Variants in TNFAIP3 observed in about 807,000 individuals in gnomAD.
The protein encoded by TNFAIP3 is TNF alpha induced protein 3.
In TNFAIP3, 9 loss-of-function variants were observed where a neutral mutation model predicts 72.4. The ratio of observed to expected loss-of-function variants is 0.12; its 90% confidence interval spans 0.07 to 0.22. The LOEUF (loss-of-function observed/expected upper bound fraction) is 0.22. Ranked by LOEUF, TNFAIP3 falls within the 10% of genes least tolerant of loss-of-function variation. The pLI, the probability that TNFAIP3 is intolerant of heterozygous loss-of-function variation, is 1.00. For missense variants in TNFAIP3, 833 were observed against 1,018.7 expected (o/e 0.82, Z 2.48); for synonymous variants, 339 against 372.6 (o/e 0.91, Z 1.04).
At chr6:137,876,245 A>C (rs1466345581) in intron 5 of TNFAIP3, 79 bp downstream of exon 5, 12 of 1,197,846 alleles carry the variant, frequency 1.0e-5, no homozygotes, top group Non-Finnish European at 1.3e-5. Flanking sequence ...TTATTAAAAC[A>C]GTCTTATTTA....
rs71547071 is a variant in TNFAIP3 at position 137,869,376 on chromosome 6, TGGACGGAC to T, written c.-15-1821_-15-1814del. ...ATGGATGGATGGATGGATGGATGGATGGACGGACGGACGGACGGACGGATAGATGATAT... is the reference window on the plus strand; with the variant it reads ...ATGGATGGATGGATGGATGGATGGATGGACGGACGGACGGATAGATGATAT... On this transcript the variant is annotated intron_variant, in intron 1 of 8. Transcript: ENST00000612899. 5.5e-3 allele frequency among the ~76,000 whole-genome samples: 786 copies of T among 142,060 alleles called. 10 individuals are homozygous for T. The highest frequency in any genetic ancestry group is 0.017 in the African/African-American group (646 of 38,680). The allele number at this position is 142,060 out of a possible 152,430, so 93.2% of individuals were successfully genotyped here. A position where few individuals can be genotyped will look rare whatever the true frequency, so the allele number is the denominator to read the frequency against.
At chr6:137,878,261 C>G (rs1327670255) in intron 6 of TNFAIP3, among the ~76,000 whole-genome samples, 171 bp from the exon 7 acceptor site, 1 of 152,208 alleles carries the variant, frequency 6.6e-6, no homozygotes, top group Non-Finnish European at 1.5e-5. Flanking sequence ...TGTGTCAGAT[C>G]ATGTTGCGTG....
chr6:137,871,427 C>G lies in TNFAIP3; in HGVS notation c.200C>G (p.Ala67Gly), dbSNP rs764962980. ...CPQFREIIHK[A>G]LIDRNIQATL... is the part of the protein sequence containing the mutation. ...CAGTTTCGGGAGATCATCCACAAAG[C>G]CCTCATCGACAGAAACATCCAGGCC... The change falls in exon 2 of 9, where the codon GCC becomes GGC. Residue 67 changes from alanine (A) to glycine (G), a missense_variant. Coordinates refer to ENST00000612899, the MANE Select transcript of TNFAIP3 (RefSeq NM_001270508.2). The surrounding 1 kb of genome is among the most constrained non-coding windows in gnomAD (Gnocchi z 4.2). 1.9e-6 allele frequency: 3 copies of G among 1,614,154 alleles called. No individual in the cohort carries two copies. Among genetic ancestry groups the G allele is most frequent in the South Asian group, 2.2e-5 (2 of 91,068 alleles).
At chr6:137,873,521 T>C (rs1206236375) in intron 2 of TNFAIP3, among the ~76,000 whole-genome samples, 1 of 152,196 alleles carries the variant, frequency 6.6e-6, no homozygotes. Flanking sequence ...AAAAGTACAA[T>C]AGCTGTTGCT....
rs200371583 is a variant in TNFAIP3 at position 137,877,169 on chromosome 6, A to T, written c.899A>T (p.Glu300Val). ...FLTDPENEMKEKLLKEYLMVI... is the reference protein window; with the variant it reads ...FLTDPENEMKVKLLKEYLMVI... Reference sequence around the variant, plus strand: ...ACAGATCCTGAAAATGAGATGAAGGAGAAGCTCTTAAAAGAGTACTTAATG... The same window carrying T: ...ACAGATCCTGAAAATGAGATGAAGGTGAAGCTCTTAAAAGAGTACTTAATG... Residue 300 changes from glutamate to valine, a missense_variant, in exon 6 of 9, where the codon GAG (glutamate) becomes GTG (valine). Glu to Val is a moderately radical substitution (Grantham distance 121). Transcript: ENST00000612899. The T allele has an allele frequency of 2.2e-5, 35 of 1,614,008 alleles. No individual in the cohort carries two copies. Among genetic ancestry groups the T allele is most frequent in the Non-Finnish European group, 2.5e-6 (3 of 1,180,006 alleles).
chr6:137,872,549 C>CT (rs1028039397), intron 2 of TNFAIP3, among the ~76,000 whole-genome samples: 2 of 152,046 alleles, frequency 1.3e-5, no homozygotes, highest in East Asian at 1.9e-4. Flanking sequence ...TTAACTTTGG[C>CT]TTTTTTTGAC....
rs552747264 is a variant in TNFAIP3, at chr6:137,876,577, C to T, written c.805+411C>T. Reference sequence around the variant, plus strand: ...CTCTCGCTTTGGCCTCTCAAATTTACAGGCACGAGCCACCATGCCTGGCCT... The same window carrying T: ...CTCTCGCTTTGGCCTCTCAAATTTATAGGCACGAGCCACCATGCCTGGCCT... On this transcript the variant is annotated intron_variant, in intron 5 of 8. Transcript: ENST00000612899. Among the ~76,000 whole-genome samples, 4 of 152,364 alleles carry T rather than the reference C, an allele frequency of 2.6e-5. No homozygotes were observed. The East Asian group carries it at 7.7e-4, about 29-fold the overall frequency.
At position 137,874,429 on chromosome 6, in the gene TNFAIP3, G is replaced by A. The variant is rs1198686204; in HGVS notation, c.296-416G>A. Among the ~76,000 whole-genome samples, 4 of 152,194 alleles carry A rather than the reference G, an allele frequency of 2.6e-5. No individual in the cohort carries two copies. In the East Asian group the frequency reaches 7.7e-4, roughly 29 times the overall value. On this transcript the variant is annotated intron_variant, in intron 2 of 8. Coordinates refer to ENST00000612899, the MANE Select transcript of TNFAIP3 (RefSeq NM_001270508.2). ...CTGTGTGCTCCTCCTTAGAACTAGA[G>A]AGCAGCAATGCCAGTGCCTTCACCA...
chr6:137,875,581 T>TATATATA (rs1776219414), intron 3 of TNFAIP3, 107 bp from the exon 4 acceptor site: 1 of 1,327,820 alleles, frequency 7.5e-7, no homozygotes, highest in Admixed American at 2.5e-5. Flanking sequence ...GGGGAAAAAA[T>TATATATA]AAGCTGAGTT....
Position 137,876,699 on chromosome 6 carries a change from G to A in TNFAIP3, c.806-377G>A, listed in dbSNP as rs534203427. ...TATCCTTTTAGCACTCTTGTGAGAT[G>A]TAGGCCTTGGTAGCCTTATTTTACA... On this transcript the variant is annotated intron_variant, in intron 5 of 8. Transcript: ENST00000612899. 5.3e-5 allele frequency among the ~76,000 whole-genome samples: 8 copies of A among 152,322 alleles called. No individual in the cohort carries two copies. The East Asian group carries it at 1.2e-3, about 22-fold the overall frequency.
chr6:137,879,071 GACT>G lies in TNFAIP3; in HGVS notation c.1629_1631del (p.Thr544del). On this transcript the variant is annotated inframe_deletion, in exon 7 of 9. Transcript: ENST00000612899. ...GGATCTGCAGTACTTGCTTCAAAAG[GACT>G]ACAGCAGAGGCCTCCTCCAGCCTCA... 6.2e-7 allele frequency: 1 copy of G among 1,614,186 alleles called. No homozygotes were observed. Among genetic ancestry groups the G allele is most frequent in the East Asian group, 2.2e-5 (1 of 44,882 alleles).
intron 5 of TNFAIP3, among the ~76,000 whole-genome samples, 158 bp from the exon 6 acceptor site, chr6:137,876,918 G>A (rs188980714): frequency 8.5e-5 from 13 of 152,296 alleles, no homozygotes; most frequent in Admixed American, 7.8e-4. Context: ...ATATTAGATT[G>A]TAGCACATTT....
At chr6:137,873,501 C>T (rs889689217) in intron 2 of TNFAIP3, among the ~76,000 whole-genome samples, 2 of 152,236 alleles carry the variant, frequency 1.3e-5, no homozygotes, top group Admixed American at 6.5e-5. Context: ...AATGTCTACA[C>T]ACCAGAACAA....
intron 2 of TNFAIP3, among the ~76,000 whole-genome samples, chr6:137,873,133 C>A (rs1298898857): frequency 6.6e-6 from 1 of 152,036 alleles, no homozygotes; most frequent in Non-Finnish European, 1.5e-5. Flanking sequence ...TCTTCACTTT[C>A]AAGAAAACTC....
intron 6 of TNFAIP3, among the ~76,000 whole-genome samples, chr6:137,877,715 T>A (rs138693039): frequency 4.8e-4 from 73 of 152,342 alleles, no homozygotes; most frequent in African/African-American, 1.6e-3. Flanking sequence ...CTCATGATTC[T>A]GCCACATGGA....
rs1776188950 is a variant in TNFAIP3 at position 137,874,941 on chromosome 6, A to G, written c.392A>G (p.Lys131Arg). ...AGGAAGGCGCTGTTCAGCACGCTCA[A>G]GGAAACAGACACACGCAACTTTAAA... is the stretch of plus-strand genomic sequence containing the variant. ...VLRKALFSTL[K>R]ETDTRNFKFR... The change falls in exon 3 of 9, where the codon AAG (lysine) becomes AGG (arginine). Residue 131 changes from lysine to arginine, a missense_variant. Transcript: ENST00000612899. The G allele has an allele frequency of 1.2e-6, 2 of 1,614,250 alleles. No homozygotes were observed. Among genetic ancestry groups the G allele is most frequent in the Non-Finnish European group, 1.7e-6 (2 of 1,180,056 alleles).
chr6:137,877,200 A>G lies in TNFAIP3; in HGVS notation c.930A>G (p.Ile310Met). The G allele has an allele frequency of 6.2e-7, 1 of 1,613,916 alleles. No homozygotes were observed. Among genetic ancestry groups the G allele is most frequent in the Non-Finnish European group, 8.5e-7 (1 of 1,179,916 alleles). The stretch of plus-strand genomic sequence containing the variant: ...TCTTAAAAGAGTACTTAATGGTGAT[A>G]GAAATCCCCGTCCAAGGCTGGGACC... Reference protein sequence around the residue: ...EKLLKEYLMVIEIPVQGWDHG... With the variant: ...EKLLKEYLMVMEIPVQGWDHG... Residue 310 changes from isoleucine to methionine, a missense_variant, in exon 6 of 9, where the codon ATA becomes ATG. Physicochemically the swap from Ile to Met is conservative, Grantham distance 10. Coordinates refer to ENST00000612899, the MANE Select transcript of TNFAIP3 (RefSeq NM_001270508.2).
At chr6:137,874,812 C>T (rs1210114504) in intron 2 of TNFAIP3, 33 bp from the exon 3 acceptor site, 5 of 1,554,700 alleles carry the variant, frequency 3.2e-6, no homozygotes, top group East Asian at 2.4e-5. Context: ...GATAACTTGA[C>T]TTTCCTTCTC....
In TNFAIP3 at chr6:137,883,078, T is replaced by A; in HGVS notation, c.*1759T>A. The stretch of plus-strand genomic sequence containing the variant: ...CAAAGATACCAAATAAACTTCAGTG[T>A]TTTCATCTAATTCTCTTAAAGTTGA... On this transcript the variant is annotated 3_prime_UTR_variant, in exon 9 of 9. Coordinates refer to ENST00000612899, the MANE Select transcript of TNFAIP3 (RefSeq NM_001270508.2). The A allele has an allele frequency of 4.7e-6, 1 of 213,950 alleles. No homozygotes were observed. The highest frequency in any genetic ancestry group is 7.3e-5 in the East Asian group (1 of 13,728). 13.3% of individuals were successfully genotyped at this position (213,950 alleles called of 1,614,324 possible). A position where few individuals can be genotyped will look rare whatever the true frequency, so the allele number is the denominator to read the frequency against.
Sources: allele counts gnomAD v4.1 joint callset (sites outside exome capture counted in the v4.1 genomes callset), GRCh38; gene constraint gnomAD v4.1.1; non-coding constraint Gnocchi (gnomAD v3.1); transcripts MANE v1.5; gene names NCBI Gene and HGNC (gene_info 2026-07-23, HGNC 2026-07-21).